Variants in NKAIN3 observed in about 807,000 individuals in gnomAD.
The protein encoded by NKAIN3 is sodium/potassium-transporting ATPase subunit beta-1-interacting protein 3.
Under a neutral mutation model 30.2 loss-of-function variants are expected in NKAIN3, and 25 were observed. The ratio of observed to expected loss-of-function variants is 0.83; its 90% confidence interval spans 0.60 to 1.16. The LOEUF (loss-of-function observed/expected upper bound fraction) is 1.16, where lower values mean the gene tolerates loss of function less well. Among genes scored for constraint, NKAIN3 ranks in the 50% most tolerant of loss-of-function variants. The probability of loss-of-function intolerance (pLI) is 0.00; values close to 1 mark genes in which losing one functional copy is unlikely to be tolerated. For missense variants in NKAIN3, 225 were observed against 254.1 expected (o/e 0.89, Z 0.78); for synonymous variants, 91 against 89.6 (o/e 1.02, Z -0.09).
chr8:62,849,686 T>C (rs1218597623), intron 4 of NKAIN3, among the ~76,000 whole-genome samples: 1 of 139,666 alleles, frequency 7.2e-6, no homozygotes, highest in Non-Finnish European at 1.5e-5. Context: ...TTCCCACCTA[T>C]GAGTGAGAAC....
At chr8:62,278,029 C>A (rs992429763) in intron 1 of NKAIN3, among the ~76,000 whole-genome samples, 19 of 152,242 alleles carry the variant, frequency 1.2e-4, no homozygotes, top group Admixed American at 1.2e-3. Context: ...AGCACGGAGA[C>A]AGGCAGAGCA....
At chr8:62,354,674 C>G (rs1048541942) in intron 1 of NKAIN3, among the ~76,000 whole-genome samples, 4 of 152,288 alleles carry the variant, frequency 2.6e-5, no homozygotes, top group African/African-American at 9.6e-5. Context: ...AACTCCTGAC[C>G]TCAGGTGATC....
At chr8:62,916,302 A>T (rs1822101330) in intron 4 of NKAIN3, among the ~76,000 whole-genome samples, 1 of 152,238 alleles carries the variant, frequency 6.6e-6, no homozygotes, top group African/African-American at 2.4e-5. Flanking sequence ...AATAATACAA[A>T]TTTATGTAGT....
At chr8:62,444,461 C>T (rs1425524360) in intron 1 of NKAIN3, among the ~76,000 whole-genome samples, 2 of 152,176 alleles carry the variant, frequency 1.3e-5, no homozygotes, top group African/African-American at 2.4e-5. Context: ...TTAGCTTCCA[C>T]CTGTGACTGA....
At chr8:62,923,981 C>T (rs4237063) in intron 5 of NKAIN3, among the ~76,000 whole-genome samples, 103,476 of 152,114 alleles carry the variant, frequency 0.68, 36,130 homozygotes, top group East Asian at 0.9. Flanking sequence ...GCCCCTTTAC[C>T]AGAACCAGAT....
chr8:62,249,239 G>C (rs554753283), intron 1 of NKAIN3, 112 bp downstream of exon 1: 6 of 905,146 alleles, frequency 6.6e-6, no homozygotes, highest in African/African-American at 3.5e-5. Flanking sequence ...GGTGAACAGG[G>C]CGCTCCGCCC....
intron 3 of NKAIN3, among the ~76,000 whole-genome samples, chr8:62,605,746 G>A (rs1253492017): frequency 1.3e-5 from 2 of 152,064 alleles, no homozygotes; most frequent in African/African-American, 2.4e-5. Context: ...CACAGGTCAT[G>A]TGCAAATACT....
intron 3 of NKAIN3, among the ~76,000 whole-genome samples, chr8:62,694,855 G>A (rs936406037): frequency 6.6e-5 from 10 of 152,136 alleles, no homozygotes; most frequent in Non-Finnish European, 1.0e-4. Context: ...CCACCCTTGA[G>A]GAGTCCCTGA....
chr8:62,933,904 G>T (rs1822699888), intron 5 of NKAIN3, among the ~76,000 whole-genome samples: 1 of 152,150 alleles, frequency 6.6e-6, no homozygotes, highest in Non-Finnish European at 1.5e-5. Context: ...GACAGTAATT[G>T]AAAAATTACA....
intron 4 of NKAIN3, among the ~76,000 whole-genome samples, chr8:62,900,429 T>C (rs1340713134): frequency 6.6e-6 from 1 of 152,150 alleles, no homozygotes. Context: ...AATGCAGCTT[T>C]GGATTGTGAA....
chr8:62,699,137 T>A (rs1814254143), intron 3 of NKAIN3, among the ~76,000 whole-genome samples: 1 of 152,212 alleles, frequency 6.6e-6, no homozygotes, highest in African/African-American at 2.4e-5. Context: ...TAATTTATTC[T>A]AAAATCTCTT....
chr8:62,934,834 G>A (rs1297510826), intron 5 of NKAIN3, among the ~76,000 whole-genome samples: 3 of 151,990 alleles, frequency 2.0e-5, no homozygotes, highest in Non-Finnish European at 4.4e-5. Context: ...GTGCTACTGG[G>A]GAAAAAACGG....
At chr8:62,872,947 T>C (rs371107936) in intron 4 of NKAIN3, among the ~76,000 whole-genome samples, 186 of 152,262 alleles carry the variant, frequency 1.2e-3, no homozygotes, top group African/African-American at 4.2e-3. Context: ...ATGAAGAAAG[T>C]GCATCAACTC....
intron 5 of NKAIN3, among the ~76,000 whole-genome samples, chr8:62,933,596 A>C (rs778897802): frequency 1.1e-4 from 17 of 152,168 alleles, no homozygotes; most frequent in Non-Finnish European, 2.2e-4. Context: ...ATTGACTCCA[A>C]AGAGTTTAGA....
At chr8:62,282,312 A>G (rs1563917913) in intron 1 of NKAIN3, among the ~76,000 whole-genome samples, 1 of 152,168 alleles carries the variant, frequency 6.6e-6, no homozygotes, top group Non-Finnish European at 1.5e-5. Flanking sequence ...AGAAGTAACC[A>G]AAGATGCCTG....
intron 4 of NKAIN3, among the ~76,000 whole-genome samples, chr8:62,750,586 G>T (rs1816244667): frequency 6.6e-6 from 1 of 152,110 alleles, no homozygotes; most frequent in Non-Finnish European, 1.5e-5. Context: ...TCTGTCCCTG[G>T]GAGGCGGCGG....
chr8:62,926,337 C>G (rs1483881773), intron 5 of NKAIN3, among the ~76,000 whole-genome samples: 1 of 152,188 alleles, frequency 6.6e-6, no homozygotes, highest in Non-Finnish European at 1.5e-5. Flanking sequence ...CAACAACCCC[C>G]CTTCTCAACG....
chr8:62,802,985 C>A (rs1158547631), intron 4 of NKAIN3, among the ~76,000 whole-genome samples: 1 of 152,084 alleles, frequency 6.6e-6, no homozygotes, highest in Non-Finnish European at 1.5e-5. Flanking sequence ...ATAAAACAGA[C>A]TTTAAACCAA....
intron 3 of NKAIN3, among the ~76,000 whole-genome samples, chr8:62,694,646 C>T (rs1322349658): frequency 2.6e-5 from 4 of 152,124 alleles, no homozygotes; most frequent in African/African-American, 7.2e-5. Flanking sequence ...CTTCCCTTAC[C>T]TGGACTGCCC....
Sources: allele counts gnomAD v4.1 joint callset (sites outside exome capture counted in the v4.1 genomes callset), GRCh38; gene constraint gnomAD v4.1.1; transcripts MANE v1.5; gene names NCBI Gene and HGNC (gene_info 2026-07-23, HGNC 2026-07-21).